Variants in RIMS2 observed in about 807,000 individuals in gnomAD.
The protein encoded by RIMS2 is regulating synaptic membrane exocytosis 2, also known as regulating synaptic membrane exocytosis protein 2.
Under a neutral mutation model 174.4 loss-of-function variants are expected in RIMS2, and 59 were observed. That is an observed-to-expected ratio of 0.34 (90% CI 0.27 to 0.42). RIMS2 has a LOEUF of 0.42. Ranked by LOEUF, RIMS2 falls within the 10% of genes least tolerant of loss-of-function variation. RIMS2 has a pLI of 1.00. For synonymous variants in RIMS2, 606 were observed against 572.5 expected, an observed-to-expected ratio of 1.06 and a Z score of -0.84; for missense variants, 1,620 against 1,666.3, an observed-to-expected ratio of 0.97 and a Z score of 0.48.
At chr8:103,601,296 G>A (rs2094725195) in intron 1 of RIMS2, among the ~76,000 whole-genome samples, 1 of 151,842 alleles carries the variant, frequency 6.6e-6, no homozygotes, top group Non-Finnish European at 1.5e-5. Context: ...ATTTTATTTG[G>A]GCCTCTCTCT....
intron 1 of RIMS2, among the ~76,000 whole-genome samples, chr8:103,555,611 A>G (rs965701446): frequency 1.3e-5 from 2 of 152,100 alleles, no homozygotes; most frequent in Non-Finnish European, 2.9e-5. Flanking sequence ...TATGGAATCA[A>G]CCTAAGGGTT....
chr8:104,047,034 C>T (rs1292833106), intron 19 of RIMS2, among the ~76,000 whole-genome samples: 4 of 151,886 alleles, frequency 2.6e-5, no homozygotes, highest in Non-Finnish European at 5.9e-5. Context: ...AAGTATGATA[C>T]TTAAGCTCAA....
intron 1 of RIMS2, among the ~76,000 whole-genome samples, chr8:103,585,150 A>G (rs2093839357): frequency 6.6e-6 from 1 of 152,226 alleles, no homozygotes; most frequent in Admixed American, 6.5e-5. Flanking sequence ...ACAGGTCATC[A>G]CTGGTCATTA....
intron 1 of RIMS2, among the ~76,000 whole-genome samples, chr8:103,586,048 A>G (rs1396808596): frequency 6.6e-6 from 1 of 152,164 alleles, no homozygotes. Flanking sequence ...AGTGGATATA[A>G]CAATTGTAAA....
At chr8:103,657,624 G>A (rs1453091001) in intron 1 of RIMS2, among the ~76,000 whole-genome samples, 1 of 152,210 alleles carries the variant, frequency 6.6e-6, no homozygotes, top group Non-Finnish European at 1.5e-5. Flanking sequence ...TGCAAATGGG[G>A]TAGACATAGT....
chr8:103,697,259 C>T (rs1203110932), exon 2 of RIMS2: 7 of 1,613,594 alleles, frequency 4.3e-6, no homozygotes, highest in Non-Finnish European at 5.9e-6. Flanking sequence ...AAGTTCTGTG[C>T]TCGTTGTGGA....
intron 1 of RIMS2, among the ~76,000 whole-genome samples, chr8:103,649,460 A>G (rs1024254176): frequency 2.0e-5 from 3 of 151,830 alleles, no homozygotes; most frequent in African/African-American, 7.3e-5. Context: ...GGGGTTCTCT[A>G]TATTTCCTGG....
chr8:104,013,433 A>C lies in RIMS2; in HGVS notation c.3045-9A>C. On this transcript the variant is annotated splice_polypyrimidine_tract_variant and intron_variant, in intron 17 of 23. Coordinates refer to ENST00000504942, the Ensembl canonical transcript of RIMS2. ...GATCAACTGAGCTGCTTTTTGACTAACGTTTCAGGGATTGTGAAGCAGCAG... is the reference window on the plus strand; with the variant it reads ...GATCAACTGAGCTGCTTTTTGACTACCGTTTCAGGGATTGTGAAGCAGCAG... 1 of 1,612,570 alleles carries C rather than the reference A, an allele frequency of 6.2e-7. No individual in the cohort carries two copies. Among genetic ancestry groups the C allele is most frequent in the Non-Finnish European group, 8.5e-7 (1 of 1,179,082 alleles).
In RIMS2 at chr8:103,603,056, T is replaced by A. The variant is rs528221385; in HGVS notation, c.177-94030T>A. ...TACATGTGCACATTGTGCAGGTTAG[T>A]TACATATGTATACATGTGCCATGCT... is the stretch of plus-strand genomic sequence containing the variant. On this transcript the variant is annotated intron_variant, in intron 1 of 23. Transcript: ENST00000504942. 7.4e-4 allele frequency among the ~76,000 whole-genome samples: 113 copies of A among 152,008 alleles called. 1 individual carries two copies. Among genetic ancestry groups the A allele is most frequent in the African/African-American group, 2.4e-3 (101 of 41,476 alleles).
intron 3 of RIMS2, among the ~76,000 whole-genome samples, chr8:103,843,681 A>ACC (rs1393112526): frequency 6.6e-6 from 1 of 152,130 alleles, no homozygotes; most frequent in Admixed American, 6.5e-5. Context: ...CATCTATAAT[A>ACC]CTTTATCATA....
At position 103,893,847 on chromosome 8, in the gene RIMS2, A is replaced by G. The variant is rs2099262058; in HGVS notation, c.1624+7624A>G. ...CAGTGCTGCTCAGCAACTACAAATT[A>G]CAGTGACTTGTTTGTAACTCCACAG... On this transcript the variant is annotated intron_variant, in intron 4 of 23. Coordinates refer to ENST00000504942, the Ensembl canonical transcript of RIMS2. Among the ~76,000 whole-genome samples, 2 of 152,088 alleles carry G rather than the reference A, an allele frequency of 1.3e-5. 1 individual carries two copies. Among genetic ancestry groups the G allele is most frequent in the Admixed American group, 1.3e-4 (2 of 15,244 alleles).
intron 19 of RIMS2, among the ~76,000 whole-genome samples, chr8:104,182,727 A>G (rs1383415932): frequency 3.3e-5 from 5 of 151,754 alleles, no homozygotes; most frequent in Admixed American, 2.0e-4. Flanking sequence ...CTCAGTTGCC[A>G]TGTGTGACTT....
chr8:103,583,503 A>T (rs946789717), intron 1 of RIMS2, among the ~76,000 whole-genome samples: 6 of 152,222 alleles, frequency 3.9e-5, no homozygotes, highest in African/African-American at 1.4e-4. Context: ...AAAATTTAAA[A>T]TAGTTGTGTT....
chr8:103,778,303 A>C (rs936618148), intron 3 of RIMS2, among the ~76,000 whole-genome samples: 1 of 152,058 alleles, frequency 6.6e-6, no homozygotes, highest in Non-Finnish European at 1.5e-5. Flanking sequence ...TGAAATGTAC[A>C]ATAGATTATT....
chr8:103,789,679 T>C lies in RIMS2; in HGVS notation c.698+23142T>C, dbSNP rs1025140286. Among the ~76,000 whole-genome samples, 4 of 152,152 alleles carry C rather than the reference T, an allele frequency of 2.6e-5. No individual in the cohort carries two copies. The East Asian group carries it at 7.7e-4, about 29-fold the overall frequency. ...AAATACTTTTCCCCAGTTTATTATCTTTTGACTTTGCTTATATTATTCTTT... is the reference window on the plus strand; with the variant it reads ...AAATACTTTTCCCCAGTTTATTATCCTTTGACTTTGCTTATATTATTCTTT... On this transcript the variant is annotated intron_variant, in intron 3 of 23. Coordinates refer to ENST00000504942, the Ensembl canonical transcript of RIMS2.
At chr8:104,136,292 C>T (rs182768039) in intron 19 of RIMS2, among the ~76,000 whole-genome samples, 3 of 152,124 alleles carry the variant, frequency 2.0e-5, no homozygotes, top group South Asian at 2.1e-4. Context: ...AAATTGTCAT[C>T]CTTAACAGAC....
At chr8:103,588,438 C>T (rs77086846) in intron 1 of RIMS2, among the ~76,000 whole-genome samples, 9,090 of 151,704 alleles carry the variant, frequency 0.06, 909 homozygotes, top group African/African-American at 0.21. Flanking sequence ...CATAAAAGAC[C>T]CAGAGTAGCC....
intron 12 of RIMS2, among the ~76,000 whole-genome samples, chr8:103,932,284 G>C (rs1361815613): frequency 6.6e-6 from 1 of 152,172 alleles, no homozygotes; most frequent in African/African-American, 2.4e-5. Context: ...TTTAGTTCAA[G>C]TAGAAAGTCA....
intron 3 of RIMS2, among the ~76,000 whole-genome samples, chr8:103,874,609 A>G (rs2099126880): frequency 6.6e-6 from 1 of 152,054 alleles, no homozygotes; most frequent in African/African-American, 2.4e-5. Context: ...ATTATTTTCT[A>G]TCAGTTACTT....
Sources: allele counts gnomAD v4.1 joint callset (sites outside exome capture counted in the v4.1 genomes callset), GRCh38; gene constraint gnomAD v4.1.1; transcripts MANE v1.5; gene names NCBI Gene and HGNC (gene_info 2026-07-23, HGNC 2026-07-21).